G3BP2: variants seen among roughly 807,000 people sequenced by gnomAD.
G3BP2 encodes ras GTPase-activating protein-binding protein 2.
Under a neutral mutation model 56.7 loss-of-function variants are expected in G3BP2, and 11 were observed. The observed-to-expected ratio is 0.19, with a 90% confidence interval of 0.12 to 0.32. The LOEUF is 0.32. G3BP2 is among the 10% of genes least tolerant of loss of function. G3BP2 has a pLI of 1.00. For missense variants in G3BP2, 340 were observed against 610.9 expected (o/e 0.56, Z 4.67); for synonymous variants, 165 against 191.6 (o/e 0.86, Z 1.15).
rs149155400 is a variant in G3BP2 at position 75,648,618 on chromosome 4, G to A, written c.928+21C>T. On this transcript the variant is annotated intron_variant, in intron 9 of 11. Coordinates refer to ENST00000359707, the MANE Select transcript of G3BP2 (RefSeq NM_203505.3). ...GCCTTACAAATGTTAAATGCTAAAGGCTATAAAGGAGCTGACTCACCTGGT... is the reference window on the plus strand; with the variant it reads ...GCCTTACAAATGTTAAATGCTAAAGACTATAAAGGAGCTGACTCACCTGGT... 106 of 1,232,250 alleles carry A rather than the reference G, an allele frequency of 8.6e-5. No homozygotes were observed. The East Asian group carries it at 2.4e-3, about 28-fold the overall frequency. The allele number at this position is 1,232,250 out of a possible 1,614,324, so 76.3% of individuals were successfully genotyped here. A position where few individuals can be genotyped will look rare whatever the true frequency, so the allele number is the denominator to read the frequency against.
At position 75,706,677 on chromosome 4, in the gene G3BP2, C is replaced by CAA. The variant is rs34804568; in HGVS notation, c.-25+14198_-25+14199dup. On this transcript the variant is annotated intron_variant, in intron 3 of 3. Coordinates refer to the G3BP2 transcript ENST00000499709. ...GGGCAACAAGAGCGAAACTCTATCTCAAAAAAAAAAAAAAAAAGAATGAGC... is the reference window on the plus strand; with the variant it reads ...GGGCAACAAGAGCGAAACTCTATCTCAAAAAAAAAAAAAAAAAAAGAATGAGC... 6.0e-3 allele frequency among the ~76,000 whole-genome samples: 708 copies of CAA among 118,718 alleles called. 5 individuals carry two copies. The highest frequency in any genetic ancestry group is 8.3e-3 in the Non-Finnish European group (489 of 58,976). 77.9% of individuals were successfully genotyped at this position (118,718 alleles called of 152,430 possible).
At chr4:75,714,235 G>A (rs1181888923) in intron 3 of G3BP2, among the ~76,000 whole-genome samples, 1 of 152,196 alleles carries the variant, frequency 6.6e-6, no homozygotes, top group Admixed American at 6.5e-5. Context: ...AAATACTTTT[G>A]TCTTTAGTAA....
chr4:75,684,445 TAAATAAAA>T (rs1363794228), intron 3 of G3BP2, among the ~76,000 whole-genome samples: 7 of 151,582 alleles, frequency 4.6e-5, no homozygotes, highest in Non-Finnish European at 8.8e-5. Flanking sequence ...ATAAAAATCA[TAAATAAAA>T]AAATAAAAAA....
At chr4:75,693,614 C>G (rs1032173988) in intron 3 of G3BP2, among the ~76,000 whole-genome samples, 9 of 152,088 alleles carry the variant, frequency 5.9e-5, no homozygotes, top group African/African-American at 1.9e-4. Flanking sequence ...GTTGGTGAAA[C>G]CCCATCTCTA....
intron 3 of G3BP2, among the ~76,000 whole-genome samples, chr4:75,679,168 A>G (rs1218473126): frequency 6.6e-6 from 1 of 152,222 alleles, no homozygotes; most frequent in Non-Finnish European, 1.5e-5. Context: ...CTACTGCTAA[A>G]TGATGAACTT....
At chr4:75,708,373 A>AG in intron 3 of G3BP2, among the ~76,000 whole-genome samples, 2 of 152,320 alleles carry the variant, frequency 1.3e-5, no homozygotes, top group Middle Eastern at 3.4e-3. Context: ...CTAGGAAGAC[A>AG]GGGATCCCCG....
chr4:75,697,867 G>A (rs766753971), intron 3 of G3BP2, among the ~76,000 whole-genome samples: 2 of 152,208 alleles, frequency 1.3e-5, no homozygotes, highest in Non-Finnish European at 2.9e-5. Context: ...CCGGGAGGCA[G>A]AGGCTTCAGT....
At chr4:75,658,978 G>A in intron 2 of G3BP2, 54 bp from the exon 3 acceptor site, 3 of 1,329,788 alleles carry the variant, frequency 2.3e-6, no homozygotes, top group East Asian at 2.3e-5. Context: ...AGCCTAAGAA[G>A]CAGAATTCTG....
rs1730984820 is a variant in G3BP2 at position 75,643,295 on chromosome 4, T to TATATATATATATATATATATA, written c.*2134_*2135insTATATATATATATATATATAT. On this transcript the variant is annotated 3_prime_UTR_variant, in exon 12 of 12. Coordinates refer to ENST00000359707, the MANE Select transcript of G3BP2 (RefSeq NM_203505.3). ...GCAGGGCAATATCCTGAATTGGAAA[T>TATATATATATATATATATATA]TATATATATATATATATATATGGAA... The TATATATATATATATATATATA allele has an allele frequency of 1.0e-5, 1 of 99,940 alleles. No individual in the cohort carries two copies. Among genetic ancestry groups the TATATATATATATATATATATA allele is most frequent in the Non-Finnish European group, 2.2e-5 (1 of 46,322 alleles). 6.2% of individuals were successfully genotyped at this position (99,940 alleles called of 1,614,324 possible). A position where few individuals can be genotyped will look rare whatever the true frequency, so the allele number is the denominator to read the frequency against.
At chr4:75,651,426 A>T (rs1041372727) in intron 8 of G3BP2, among the ~76,000 whole-genome samples, 2 of 152,260 alleles carry the variant, frequency 1.3e-5, no homozygotes, top group African/African-American at 4.8e-5. Context: ...AATTAAAAAC[A>T]GATAAAGTTA....
intron 1 of G3BP2, among the ~76,000 whole-genome samples, chr4:75,669,679 C>T (rs17000744): frequency 0.4 from 60,255 of 152,124 alleles, 12,947 homozygotes; most frequent in African/African-American, 0.55. Flanking sequence ...TGCAATTTCA[C>T]TCTCTGCGCC....
At chr4:75,665,246 CCTT>C (rs778172885) in intron 1 of G3BP2, among the ~76,000 whole-genome samples, 5 of 152,076 alleles carry the variant, frequency 3.3e-5, no homozygotes, top group East Asian at 3.8e-4. Context: ...CTCTAACTGT[CCTT>C]CTTAAACTCT....
At chr4:75,651,174 A>G (rs1731676706) in intron 8 of G3BP2, among the ~76,000 whole-genome samples, 1 of 152,244 alleles carries the variant, frequency 6.6e-6, no homozygotes, top group Admixed American at 6.5e-5. Flanking sequence ...AAACAGAATT[A>G]GAGAATAAAC....
At chr4:75,675,394 G>A (rs917806911), upstream of G3BP2, among the ~76,000 whole-genome samples, 2 of 152,116 alleles carry the variant, frequency 1.3e-5, no homozygotes, top group Non-Finnish European at 2.9e-5. Context: ...AGATAGTTGG[G>A]CCCCACTCCC....
At position 75,683,284 on chromosome 4, in the gene G3BP2, G is replaced by A. The variant is rs539022614; in HGVS notation, c.-24-21235C>T. Among the ~76,000 whole-genome samples the A allele has an allele frequency of 2.6e-5, 4 of 152,214 alleles. No individual in the cohort carries two copies. The East Asian group carries it at 5.8e-4, about 22-fold the overall frequency. ...GGTCCTCAGAATAAAGATGTAGGCC[G>A]AGCACGGTAGCTCACACCTGTAATC... On this transcript the variant is annotated intron_variant, in intron 3 of 3. Transcript: ENST00000499709.
At chr4:75,676,437 G>A (rs1733881093), upstream of G3BP2, among the ~76,000 whole-genome samples, 1 of 146,976 alleles carries the variant, frequency 6.8e-6, no homozygotes, top group South Asian at 2.1e-4. Context: ...CCACCTCCCA[G>A]GTTCAAGCCA....
rs775047816 is a variant in G3BP2, at chr4:75,655,042, G to A, written c.726+24C>T. On this transcript the variant is annotated intron_variant, in intron 7 of 11. Transcript: ENST00000359707. Reference sequence around the variant, plus strand: ...CAAATTTGAACATGTGATGTTGTAAGTCTAAAGAGTTCTTTGATCTAACCT... The same window carrying A: ...CAAATTTGAACATGTGATGTTGTAAATCTAAAGAGTTCTTTGATCTAACCT... 3.9e-6 allele frequency: 6 copies of A among 1,547,262 alleles called. No homozygotes were observed. The South Asian group carries it at 6.9e-5, about 18-fold the overall frequency.
chr4:75,658,652 G>C (rs1732303672), intron 3 of G3BP2, among the ~76,000 whole-genome samples, 191 bp downstream of exon 3: 1 of 151,774 alleles, frequency 6.6e-6, no homozygotes, highest in Non-Finnish European at 1.5e-5. Flanking sequence ...GCTTGAACCT[G>C]GGAGGCGGAG....
chr4:75,685,916 G>T (rs1303907085), intron 3 of G3BP2, among the ~76,000 whole-genome samples: 1 of 152,144 alleles, frequency 6.6e-6, no homozygotes, highest in Non-Finnish European at 1.5e-5. Flanking sequence ...GAAGAAAAAT[G>T]TCCAGTGTAA....
Sources: gnomAD v4.1 joint callset for allele counts (sites outside exome capture counted in the v4.1 genomes callset) on GRCh38, gnomAD v4.1.1 for gene constraint, MANE v1.5 for transcripts, NCBI Gene and HGNC (gene_info 2026-07-23, HGNC 2026-07-21) for gene names.